ADAMTS18: variants seen among roughly 807,000 people sequenced by gnomAD.
ADAMTS18 encodes ADAM metallopeptidase with thrombospondin type 1 motif 18.
ADAMTS18 carries 157 observed loss-of-function variants against 165.9 expected under a neutral mutation model. The ratio of observed to expected loss-of-function variants is 0.95; its 90% CI spans 0.83 to 1.08. The LOEUF is 1.08. Ranked by LOEUF, ADAMTS18 falls within the 50% of genes least tolerant of loss-of-function variation. The pLI, the probability that ADAMTS18 is intolerant of heterozygous loss-of-function variation, is 0.00. For missense variants in ADAMTS18, 2,040 were observed against 1,534.0 expected (o/e 1.33, Z -5.51); for synonymous variants, 782 against 578.2 (o/e 1.35, Z -5.06).
chr16:77,324,978 G>T (rs899918848), intron 13 of ADAMTS18, among the ~76,000 whole-genome samples: 3 of 151,590 alleles, frequency 2.0e-5, no homozygotes, highest in African/African-American at 7.3e-5. Flanking sequence ...ACTGAGCAAA[G>T]CTGCACAATC....
At chr16:77,305,964 G>C (rs1597100824) in intron 16 of ADAMTS18, among the ~76,000 whole-genome samples, 1 of 152,282 alleles carries the variant, frequency 6.6e-6, no homozygotes, top group East Asian at 1.9e-4. Context: ...GCTTTTCTCA[G>C]CATTCCTGGA....
At chr16:77,345,163 C>G (rs2056457554) in intron 10 of ADAMTS18, among the ~76,000 whole-genome samples, 1 of 152,140 alleles carries the variant, frequency 6.6e-6, no homozygotes, top group African/African-American at 2.4e-5. Context: ...ATTCTATAGG[C>G]TGGATACCCC....
At chr16:77,386,962 G>A (rs947278933) in intron 3 of ADAMTS18, among the ~76,000 whole-genome samples, 2 of 152,178 alleles carry the variant, frequency 1.3e-5, no homozygotes, top group African/African-American at 4.8e-5. Context: ...AAACACTTCT[G>A]TTGGGTGAAC....
intron 13 of ADAMTS18, 119 bp from the exon 14 acceptor site, chr16:77,322,585 G>C: frequency 7.7e-7 from 1 of 1,293,194 alleles, no homozygotes; most frequent in East Asian, 2.4e-5. Flanking sequence ...TATGGAAAAT[G>C]TGTGTGTTTG....
intron 3 of ADAMTS18, among the ~76,000 whole-genome samples, chr16:77,386,244 A>G (rs2057105855): frequency 6.6e-6 from 1 of 152,216 alleles, no homozygotes; most frequent in Non-Finnish European, 1.5e-5. Context: ...AGGGGCTCAG[A>G]GCTCATCATC....
intron 3 of ADAMTS18, among the ~76,000 whole-genome samples, chr16:77,394,888 G>C (rs1567537962): frequency 2.0e-5 from 3 of 152,144 alleles, no homozygotes; most frequent in Non-Finnish European, 4.4e-5. Context: ...CCTCACTCTT[G>C]AGTGCACAGC....
rs143047414 is a variant in ADAMTS18, at chr16:77,319,905, T to G, written c.2476A>C (p.Asn826His). The G allele has an allele frequency of 2.5e-3, 4,102 of 1,614,046 alleles. 65 individuals are homozygous for G. Among genetic ancestry groups the G allele is most frequent in the South Asian group, 0.025 (2,305 of 91,076 alleles). Residue 826 changes from asparagine (N) to histidine (H), a missense_variant, in exon 16 of 23, where the codon AAC (asparagine) becomes CAC (histidine). By Grantham distance (68) the Asn-to-His change is moderately conservative. Coordinates refer to ENST00000282849, the MANE Select transcript of ADAMTS18 (RefSeq NM_199355.4). ...GTTFEYQRSF[N>H]RPERLYAPGP... The stretch of plus-strand genomic sequence containing the variant: ...GGCGCGTACAGACGTTCCGGGCGGT[T>G]GAAAGAGCGCTGGTATTCAAACGTG...
intron 16 of ADAMTS18, among the ~76,000 whole-genome samples, chr16:77,302,840 T>G (rs938158386): frequency 1.3e-5 from 2 of 152,182 alleles, no homozygotes; most frequent in African/African-American, 4.8e-5. Flanking sequence ...CTGCAAAACA[T>G]TTTTAAATGT....
chr16:77,352,552 A>G (rs2056570773), intron 10 of ADAMTS18, among the ~76,000 whole-genome samples: 1 of 152,120 alleles, frequency 6.6e-6, no homozygotes, highest in Non-Finnish European at 1.5e-5. Context: ...AAGTAAAATA[A>G]ATCTTTAAGT....
chr16:77,383,685 G>T (rs570327381), intron 3 of ADAMTS18, among the ~76,000 whole-genome samples: 2 of 152,188 alleles, frequency 1.3e-5, no homozygotes, highest in South Asian at 4.2e-4. Flanking sequence ...TGGGATTACA[G>T]GCACCCACCA....
chr16:77,293,405 C>A, intron 19 of ADAMTS18, 147 bp from the exon 20 acceptor site: 4 of 693,636 alleles, frequency 5.8e-6, no homozygotes, highest in Non-Finnish European at 9.9e-6. Flanking sequence ...TACTTAACCA[C>A]CCCCATTCCC....
chr16:77,394,632 T>G (rs962175737), intron 3 of ADAMTS18, among the ~76,000 whole-genome samples: 1 of 152,238 alleles, frequency 6.6e-6, no homozygotes. Flanking sequence ...TAAGTGCATT[T>G]GAAATTACTT....
At position 77,362,144 on chromosome 16, in the gene ADAMTS18, C is replaced by G. The variant is rs2056724518; in HGVS notation, c.1177G>C (p.Asp393His). The stretch of plus-strand genomic sequence containing the variant: ...GGTTCATTCTTCCAAGAACAAATAT[C>G]AAATCCTGTTAGTAAGATGGCATGA... ...HDHAILLTGF[D>H]ICSWKNEPCD... is the part of the protein sequence containing the mutation. The change falls in exon 7 of 23, where the codon GAT becomes CAT. Residue 393 changes from aspartate to histidine, a missense_variant. Transcript: ENST00000282849. 2 of 1,613,968 alleles carry G rather than the reference C, an allele frequency of 1.2e-6. No individual in the cohort carries two copies. Among genetic ancestry groups the G allele is most frequent in the African/African-American group, 1.3e-5 (1 of 74,926 alleles).
chr16:77,379,797 G>A (rs2057005968), intron 3 of ADAMTS18, among the ~76,000 whole-genome samples: 1 of 152,042 alleles, frequency 6.6e-6, no homozygotes, highest in Admixed American at 6.6e-5. Flanking sequence ...GCCCCTATCT[G>A]TTTAAGATGA....
chr16:77,319,029 A>G (rs567336137), intron 16 of ADAMTS18, among the ~76,000 whole-genome samples: 62 of 152,214 alleles, frequency 4.1e-4, no homozygotes, highest in African/African-American at 1.3e-3. Flanking sequence ...TCATTTCCAG[A>G]TATGTTGGTT....
At chr16:77,298,910 T>TC (rs1392836769) in intron 17 of ADAMTS18, among the ~76,000 whole-genome samples, 20 of 152,344 alleles carry the variant, frequency 1.3e-4, no homozygotes, top group South Asian at 4.1e-4. Context: ...GGTCTGTGAG[T>TC]CATGCGAAGG....
intron 3 of ADAMTS18, among the ~76,000 whole-genome samples, chr16:77,373,476 A>G (rs2056905815): frequency 6.6e-6 from 1 of 151,534 alleles, no homozygotes; most frequent in South Asian, 2.1e-4. Context: ...AAAAAAAAAA[A>G]AAAGAAAGAA....
At chr16:77,312,711 C>T (rs945351076) in intron 16 of ADAMTS18, among the ~76,000 whole-genome samples, 5 of 152,100 alleles carry the variant, frequency 3.3e-5, no homozygotes, top group Non-Finnish European at 5.9e-5. Context: ...CATCACTGGC[C>T]ATCAGAGACA....
At position 77,282,152 on chromosome 16, in the gene ADAMTS18, T is replaced by TTATTATAAAACTTATAAAATA. The variant is rs2055157591; in HGVS notation, c.*1783_*1803dup. 1.3e-5 allele frequency: 2 copies of TTATTATAAAACTTATAAAATA among 152,204 alleles called. No individual in the cohort carries two copies. The highest frequency in any genetic ancestry group is 2.9e-5 in the Non-Finnish European group (2 of 68,034). 9.4% of individuals were successfully genotyped at this position (152,204 alleles called of 1,614,324 possible). On this transcript the variant is annotated 3_prime_UTR_variant, in exon 23 of 23. Coordinates refer to ENST00000282849, the MANE Select transcript of ADAMTS18 (RefSeq NM_199355.4). Reference sequence around the variant, plus strand: ...GTCAAAGATAAAGAAATGGAATACTTTATTATAAAACTTATAAAATAATTA... The same window carrying TTATTATAAAACTTATAAAATA: ...GTCAAAGATAAAGAAATGGAATACTTTATTATAAAACTTATAAAATATATTATAAAACTTATAAAATAATTA...
Sources: gnomAD v4.1 joint callset for allele counts (sites outside exome capture counted in the v4.1 genomes callset) on GRCh38, gnomAD v4.1.1 for gene constraint, MANE v1.5 for transcripts, NCBI Gene and HGNC (gene_info 2026-07-23, HGNC 2026-07-21) for gene names.